FRMPD4: variants seen among roughly 807,000 people sequenced by gnomAD.
The protein encoded by FRMPD4 is FERM and PDZ domain containing 4.
Under a neutral mutation model 94.1 loss-of-function variants are expected in FRMPD4, and 22 were observed. The observed-to-expected ratio is 0.23, with a 90% CI of 0.17 to 0.33. The LOEUF is 0.33. FRMPD4 is among the 10% of genes least tolerant of loss of function. The pLI is 1.00. For synonymous variants in FRMPD4, 631 were observed against 548.6 expected (o/e 1.15, Z -2.10); for missense variants, 1,111 against 1,339.9 (o/e 0.83, Z 2.67).
Position 12,139,026 on chromosome X carries a change from G to A in FRMPD4, c.41+14G>A, listed in dbSNP as rs2055647377. On this transcript the variant is annotated intron_variant, in intron 1 of 16. Coordinates refer to ENST00000675598, the MANE Select transcript of FRMPD4 (RefSeq NM_001368397.1). ...AAAGCTTTCGAGGTAGGGGCTGCGC[G>A]GGTTCCGTTTGCACCCAGGGCCGCT... 1.8e-6 allele frequency: 2 copies of A among 1,137,510 alleles called. No individual in the cohort carries two copies. The highest frequency in any genetic ancestry group is 1.8e-5 in the African/African-American group (1 of 55,125). The allele number at this position is 1,137,510 out of a possible 1,213,427, so 93.7% of individuals were successfully genotyped here. A position where few individuals can be genotyped will look rare whatever the true frequency, so the allele number is the denominator to read the frequency against.
chrX:11,926,974 C>G (rs749264820), intron 3 of FRMPD4, among the ~76,000 whole-genome samples: 1 of 111,129 alleles, frequency 9.0e-6, no homozygotes, highest in East Asian at 2.8e-4. Context: ...TGTTTGCAGA[C>G]GACATTATCC....
intron 1 of FRMPD4, among the ~76,000 whole-genome samples, chrX:12,360,880 C>G (rs774400454): frequency 1.1e-4 from 12 of 106,401 alleles, no homozygotes; most frequent in Non-Finnish European, 2.1e-4. Flanking sequence ...TTTCTAGTCA[C>G]TTGGGAGAAA....
intron 1 of FRMPD4, among the ~76,000 whole-genome samples, chrX:12,284,797 A>G (rs927010322): frequency 7.2e-5 from 8 of 111,605 alleles, no homozygotes; most frequent in Non-Finnish European, 1.3e-4. Context: ...CTTAAATGCA[A>G]CTCAGGGAAG....
At chrX:12,248,327 ACTTC>A (rs2053983913) in intron 1 of FRMPD4, among the ~76,000 whole-genome samples, 1 of 112,272 alleles carries the variant, frequency 8.9e-6, no homozygotes, top group Admixed American at 9.4e-5. Context: ...TTCTTTGGCC[ACTTC>A]CTTATTTCTA....
chrX:12,332,867 G>A (rs771395929), intron 1 of FRMPD4, among the ~76,000 whole-genome samples: 1 of 111,813 alleles, frequency 8.9e-6, no homozygotes, highest in Admixed American at 9.5e-5. Flanking sequence ...ATTAAGCAAG[G>A]TGCCCTTGTA....
chrX:12,166,027 T>C (rs1054614666), intron 1 of FRMPD4, among the ~76,000 whole-genome samples: 4 of 111,961 alleles, frequency 3.6e-5, no homozygotes, highest in Non-Finnish European at 7.5e-5. Flanking sequence ...CTTTTCCTAA[T>C]TGAATGCCCT....
At chrX:12,544,265 A>G (rs1269257361) in intron 2 of FRMPD4, among the ~76,000 whole-genome samples, 1 of 111,438 alleles carries the variant, frequency 9.0e-6, no homozygotes, top group East Asian at 2.8e-4. Context: ...AAAAAAAATT[A>G]TGGTGCAACA....
At chrX:11,842,835 T>G (rs759736965) in intron 1 of FRMPD4, among the ~76,000 whole-genome samples, 5 of 105,129 alleles carry the variant, frequency 4.8e-5, no homozygotes, top group Non-Finnish European at 9.7e-5. Flanking sequence ...CCAGTTTTCA[T>G]AGGGAATGCT....
chrX:12,527,485 C>T (rs1472665553), intron 2 of FRMPD4, among the ~76,000 whole-genome samples: 2 of 85,737 alleles, frequency 2.3e-5, no homozygotes, highest in Non-Finnish European at 4.5e-5. Flanking sequence ...ATCTGAGTTA[C>T]AGTTTTTTTT....
rs764361480 is a variant in FRMPD4 at position 11,997,919 on chromosome X, AC to A, written c.95+119903del. ...ATCTGCAAATGTCATTAACCTTAAA[AC>A]CTTTACATGGCTCCCTGCTTGTGTA... is the stretch of plus-strand genomic sequence containing the variant. On this transcript the variant is annotated intron_variant, in intron 3 of 18. Transcript: ENST00000640291. Among the ~76,000 whole-genome samples, 11 of 111,190 alleles carry A rather than the reference AC, an allele frequency of 9.9e-5. No individual in the cohort carries two copies. In the South Asian group the frequency reaches 4.1e-3, roughly 42 times the overall value.
intron 2 of FRMPD4, among the ~76,000 whole-genome samples, chrX:12,554,718 A>G (rs2058576930): frequency 9.0e-6 from 1 of 111,658 alleles, no homozygotes; most frequent in Non-Finnish European, 1.9e-5. Flanking sequence ...GGCTCAGGTG[A>G]TCGTCCCACC....
rs959283913 is a variant in FRMPD4, at chrX:12,451,465, A to T, written c.42-47215A>T. On this transcript the variant is annotated intron_variant, in intron 1 of 16. Transcript: ENST00000675598. ...GAAGAGAGTTGAGGGACATTTTCAG[A>T]AGGTGTGGTCTTGAAGGAAAGGGAC... 3.6e-5 allele frequency among the ~76,000 whole-genome samples: 4 copies of T among 111,321 alleles called. 1 individual carries two copies. Among genetic ancestry groups the T allele is most frequent in the African/African-American group, 9.8e-5 (3 of 30,672 alleles).
chrX:12,525,315 G>A (rs1338631234), intron 2 of FRMPD4, among the ~76,000 whole-genome samples: 1 of 111,395 alleles, frequency 9.0e-6, no homozygotes, highest in African/African-American at 3.3e-5. Flanking sequence ...TTAAAATAGA[G>A]ATCATAAGAC....
intron 3 of FRMPD4, among the ~76,000 whole-genome samples, chrX:11,977,899 G>A (rs1038244719): frequency 1.1e-4 from 12 of 111,503 alleles, no homozygotes; most frequent in African/African-American, 3.9e-4. Context: ...GCAGGCTTCA[G>A]AGAGAACAGA....
chrX:12,311,228 A>G (rs925651220), intron 1 of FRMPD4, among the ~76,000 whole-genome samples: 4 of 112,144 alleles, frequency 3.6e-5, no homozygotes, highest in Non-Finnish European at 5.6e-5. Context: ...TTCCAGGGCT[A>G]TCTGACTTGG....
At chrX:12,671,816 T>C (rs1186076024) in intron 4 of FRMPD4, among the ~76,000 whole-genome samples, 1 of 111,327 alleles carries the variant, frequency 9.0e-6, no homozygotes, top group Non-Finnish European at 1.9e-5. Context: ...AAGACAACTA[T>C]ATTCTTTCCC....
intron 1 of FRMPD4, among the ~76,000 whole-genome samples, chrX:12,286,745 G>A (rs756909368): frequency 9.0e-6 from 1 of 110,571 alleles, no homozygotes; most frequent in South Asian, 3.8e-4. Flanking sequence ...TTGATCAAAA[G>A]CTAAAGAATG....
intron 1 of FRMPD4, among the ~76,000 whole-genome samples, chrX:12,439,607 C>A (rs191640121): frequency 1.3e-4 from 14 of 111,772 alleles, no homozygotes; most frequent in African/African-American, 3.9e-4. Context: ...TTATTACATT[C>A]TGAACTGACA....
At chrX:12,420,145 A>G (rs556273679) in intron 1 of FRMPD4, among the ~76,000 whole-genome samples, 2 of 111,341 alleles carry the variant, frequency 1.8e-5, no homozygotes, top group South Asian at 3.9e-4. Context: ...CTCATGGCCC[A>G]CACTCTGTCT....
Sources: gnomAD v4.1 joint callset for allele counts (sites outside exome capture counted in the v4.1 genomes callset) on GRCh38, gnomAD v4.1.1 for gene constraint, MANE v1.5 for transcripts, NCBI Gene and HGNC (gene_info 2026-07-23, HGNC 2026-07-21) for gene names.